The following BNIPL variants were observed in gnomAD, a reference collection of about 807,000 sequenced individuals.
BNIPL encodes bcl-2/adenovirus E1B 19 kDa-interacting protein 2-like protein.
Under a neutral mutation model 47.0 loss-of-function variants are expected in BNIPL, and 33 were observed. The observed-to-expected ratio is 0.70, with a 90% CI of 0.53 to 0.94. The LOEUF is 0.94. BNIPL is among the 40% of genes least tolerant of loss of function. The probability of loss-of-function intolerance (pLI) is 0.00; values close to 1 mark genes in which losing one functional copy is unlikely to be tolerated. For missense variants in BNIPL, 404 were observed against 445.2 expected (o/e 0.91, Z 0.83); for synonymous variants, 145 against 162.7 (o/e 0.89, Z 0.83).
rs1426103369 is a variant in BNIPL at position 151,038,998 on chromosome 1, G to A, written c.405G>A (p.Leu135=). The A allele has an allele frequency of 6.3e-7, 1 of 1,591,612 alleles. No individual in the cohort carries two copies. The highest frequency in any genetic ancestry group is 1.1e-5 in the South Asian group (1 of 87,772). ...AGACACCTTCAGACTCGGAGCAGCT[G>A]GACAGTGGACATGAATTTGAATGGG... ...ELETPSDSEQ[L]DSGHEFEWED... Residue 135 remains leucine (L), a synonymous_variant, in exon 4 of 10, where the codon CTG becomes CTA. Coordinates refer to ENST00000368931, the MANE Select transcript of BNIPL (RefSeq NM_138278.4).
intron 2 of BNIPL, among the ~76,000 whole-genome samples, chr1:151,038,140 C>T (rs587655971): frequency 2.6e-5 from 4 of 151,852 alleles, no homozygotes; most frequent in South Asian, 2.1e-4. Flanking sequence ...TTTGGGAGGC[C>T]GAGGCAGGTG....
Position 151,037,634 on chromosome 1 carries a change from G to T in BNIPL, c.109G>T (p.Glu37Ter). 6.2e-7 allele frequency: 1 copy of T among 1,604,240 alleles called. No individual in the cohort carries two copies. Among genetic ancestry groups the T allele is most frequent in the South Asian group, 1.1e-5 (1 of 89,176 alleles). ...ALRHGELELK[E>*]EWQDEEFPRL... ...GAGACATGGGGAGTTGGAGCTGAAG[G>T]AGGAATGGCAGGATGAAGAATTCCC... is the stretch of plus-strand genomic sequence containing the variant. Residue 37 changes from glutamate to a stop codon, truncating the protein, a stop_gained, in exon 2 of 10, where the codon GAG becomes TAG. Transcript: ENST00000368931. LOFTEE classifies it high-confidence loss of function.
chr1:151,044,044 G>A (rs1426702389), intron 7 of BNIPL, among the ~76,000 whole-genome samples: 1 of 152,158 alleles, frequency 6.6e-6, no homozygotes, highest in African/African-American at 2.4e-5. Flanking sequence ...GAGTGCAGTG[G>A]CACGATCTCG....
chr1:151,045,406 A>T (rs1675981398), intron 7 of BNIPL, among the ~76,000 whole-genome samples: 1 of 151,438 alleles, frequency 6.6e-6, no homozygotes, highest in Non-Finnish European at 1.5e-5. Flanking sequence ...AAAAATACAA[A>T]AAATTAGCCG....
intron 7 of BNIPL, 135 bp downstream of exon 7, chr1:151,043,862 T>C: frequency 1.8e-6 from 2 of 1,121,486 alleles, no homozygotes; most frequent in Non-Finnish European, 2.5e-6. Context: ...TCTTTTGTCT[T>C]CTGTCTTCTC....
At chr1:151,045,962 A>C in intron 8 of BNIPL, 79 bp downstream of exon 8, 1 of 1,613,282 alleles carries the variant, frequency 6.2e-7, no homozygotes. Context: ...CTCCACCTTG[A>C]TTCTTTCTAG....
intron 5 of BNIPL, 84 bp downstream of exon 5, chr1:151,043,222 A>T (rs1675892760): frequency 6.5e-7 from 1 of 1,537,000 alleles, no homozygotes; most frequent in Non-Finnish European, 9.0e-7. Context: ...TTGGATCCAA[A>T]ATCTATCCTG....
rs185988506 is a variant in BNIPL at position 151,047,450 on chromosome 1, C to T, written c.*763C>T. 190 of 177,594 alleles carry T rather than the reference C, an allele frequency of 1.1e-3. No individual in the cohort carries two copies. The highest frequency in any genetic ancestry group is 4.2e-3 in the African/African-American group (179 of 42,292). 11.0% of individuals were successfully genotyped at this position (177,594 alleles called of 1,614,324 possible). A position where few individuals can be genotyped will look rare whatever the true frequency, so the allele number is the denominator to read the frequency against. Reference sequence around the variant, plus strand: ...GTCAGCTCATTAAATCTTGAAGAACCGCTGTATGCCCTTTTTCCTTCTAAG... The same window carrying T: ...GTCAGCTCATTAAATCTTGAAGAACTGCTGTATGCCCTTTTTCCTTCTAAG... On this transcript the variant is annotated 3_prime_UTR_variant, in exon 10 of 10. Coordinates refer to ENST00000368931, the MANE Select transcript of BNIPL (RefSeq NM_138278.4).
chr1:151,045,659 G>A (rs930980744), intron 7 of BNIPL, 138 bp from the exon 8 acceptor site: 14 of 1,443,916 alleles, frequency 9.7e-6, no homozygotes. Flanking sequence ...TGACGGAATG[G>A]GGATTAGACC....
rs1468309226 is a variant in BNIPL at position 151,037,579 on chromosome 1, T to C, written c.54T>C (p.Ile18=). The C allele has an allele frequency of 1.2e-6, 2 of 1,606,256 alleles. No individual in the cohort carries two copies. Among genetic ancestry groups the C allele is most frequent in the Non-Finnish European group, 1.7e-6 (2 of 1,176,242 alleles). The change falls in exon 2 of 10, where the codon ATT becomes ATC. Residue 18 remains isoleucine, a synonymous_variant. Coordinates refer to ENST00000368931, the MANE Select transcript of BNIPL (RefSeq NM_138278.4). ...GGGGCTGTCTTAGGGTCAGGGAGAT[T>C]GCAGAAGCACCAGAACTAGGAGCAG... ...GKKTDVGVRE[I]AEAPELGAAL... is the part of the protein sequence containing the mutation.
At chr1:151,045,598 A>G in intron 7 of BNIPL, 199 bp from the exon 8 acceptor site, 1 of 917,970 alleles carries the variant, frequency 1.1e-6, no homozygotes, top group Non-Finnish European at 1.5e-6. Flanking sequence ...GTTTTTTTAA[A>G]AATGAGGATC....
chr1:151,046,658 C>G lies in BNIPL; in HGVS notation c.1045C>G (p.Arg349Gly), dbSNP rs1442767486. The change falls in exon 10 of 10, where the codon CGG becomes GGG. Residue 349 changes from arginine (R) to glycine (G), a missense_variant. Transcript: ENST00000368931. ...CCCCTCTCCCTCTCCTAGGCTGGAC[C>G]GGGATCTCCATGGCTCAGGAGGGAC... ...HIPEAVRQLD[R>G]DLHGSGGT 6.2e-7 allele frequency: 1 copy of G among 1,603,100 alleles called. No individual in the cohort carries two copies. The highest frequency in any genetic ancestry group is 2.2e-5 in the East Asian group (1 of 44,814).
rs998761114 is a variant in BNIPL, at chr1:151,038,416, A to G, written c.138-88A>G. ...AAAAAGCAGCATAGGTGATAAAATC[A>G]TGGTGGGGAGAGAGAACCTATATAT... On this transcript the variant is annotated intron_variant, in intron 2 of 9. Coordinates refer to ENST00000368931, the MANE Select transcript of BNIPL (RefSeq NM_138278.4). 1.2e-5 allele frequency: 12 copies of G among 968,108 alleles called. No individual in the cohort carries two copies. The East Asian group carries it at 1.4e-4, about 12-fold the overall frequency. The allele number at this position is 968,108 out of a possible 1,614,324, so 60.0% of individuals were successfully genotyped here. A position where few individuals can be genotyped will look rare whatever the true frequency, so the allele number is the denominator to read the frequency against.
At chr1:151,044,975 GA>G in intron 7 of BNIPL, 5 of 1,281,958 alleles carry the variant, frequency 3.9e-6, no homozygotes, top group Non-Finnish European at 5.1e-6. Context: ...AGCAGAAAAA[GA>G]CCAGGTGGTC....
At chr1:151,043,878 G>A in intron 7 of BNIPL, 151 bp downstream of exon 7, 1 of 1,037,268 alleles carries the variant, frequency 9.6e-7, no homozygotes, top group Non-Finnish European at 1.4e-6. Context: ...TTCTCTTGGA[G>A]TCAAGGAAAT....
intron 1 of BNIPL, chr1:151,037,278 C>T (rs587663127): frequency 1.6e-5 from 17 of 1,063,782 alleles, no homozygotes; most frequent in Non-Finnish European, 2.0e-5. Context: ...GTTCCAGCCA[C>T]TTGTAATGTG....
intron 7 of BNIPL, chr1:151,045,089 G>A: frequency 2.0e-6 from 1 of 502,924 alleles, no homozygotes; most frequent in Non-Finnish European, 2.9e-6. Flanking sequence ...ATGGTGACAA[G>A]TCATTATCTC....
intron 7 of BNIPL, chr1:151,045,530 G>C: frequency 5.2e-6 from 2 of 387,882 alleles, no homozygotes; most frequent in South Asian, 5.6e-5. Context: ...CTACACTCCA[G>C]CCCAGGCGAC....
Position 151,046,919 on chromosome 1 carries a change from AT to A in BNIPL, c.*233del. 2.3e-6 allele frequency: 1 copy of A among 444,382 alleles called. No homozygotes were observed. The highest frequency in any genetic ancestry group is 4.0e-6 in the Non-Finnish European group (1 of 250,292). The allele number at this position is 444,382 out of a possible 1,614,324, so 27.5% of individuals were successfully genotyped here. A position where few individuals can be genotyped will look rare whatever the true frequency, so the allele number is the denominator to read the frequency against. ...TCCAGTTGCTGGGACGGAAGGCTGA[AT>A]GTAGGGTCATTTTGTATGGGATATG... On this transcript the variant is annotated 3_prime_UTR_variant, in exon 10 of 10. Coordinates refer to ENST00000368931, the MANE Select transcript of BNIPL (RefSeq NM_138278.4).
Sources: allele counts gnomAD v4.1 joint callset (sites outside exome capture counted in the v4.1 genomes callset), GRCh38; gene constraint gnomAD v4.1.1; transcripts MANE v1.5; gene names NCBI Gene and HGNC (gene_info 2026-07-23, HGNC 2026-07-21).